LRRD1: variants seen among roughly 807,000 people sequenced by gnomAD.
The protein encoded by LRRD1 is leucine-rich repeat and death domain-containing protein 1.
Under a neutral mutation model 69.5 loss-of-function variants are expected in LRRD1, and 49 were observed. The observed-to-expected ratio is 0.70, with a 90% CI of 0.56 to 0.89. The LOEUF is 0.89. Ranked by LOEUF, LRRD1 falls within the 40% of genes least tolerant of loss-of-function variation. The pLI, the probability that LRRD1 is intolerant of heterozygous loss-of-function variation, is 0.00. For missense variants in LRRD1, 853 were observed against 956.0 expected, an observed-to-expected ratio of 0.89 and a Z score of 1.42; for synonymous variants, 303 against 338.9, an observed-to-expected ratio of 0.89 and a Z score of 1.16.
At chr7:92,167,578 TAAG>T (rs1294341940) in intron 1 of LRRD1, among the ~76,000 whole-genome samples, 1 of 151,314 alleles carries the variant, frequency 6.6e-6, no homozygotes, top group East Asian at 1.9e-4. Context: ...CTGGGGTAGT[TAAG>T]AAGTTATTCT....
At position 92,163,805 on chromosome 7, in the gene LRRD1, T is replaced by C; in HGVS notation, c.1398A>G (p.Ile466Met). 6.7e-7 allele frequency: 1 copy of C among 1,501,778 alleles called. No individual in the cohort carries two copies. The highest frequency in any genetic ancestry group is 8.8e-7 in the Non-Finnish European group (1 of 1,129,964). The allele number at this position is 1,501,778 out of a possible 1,614,324, so 93.0% of individuals were successfully genotyped here. Residue 466 changes from isoleucine (I) to methionine (M), a missense_variant, in exon 2 of 6, where the codon ATA becomes ATG. Coordinates refer to ENST00000458448, the MANE Select transcript of LRRD1 (RefSeq NM_001161528.2). ...VPIEIKNCQK[I>M]IKIELSYNKI... ...TGTTATAACTCAATTCAATTTTAAT[T>C]ATTTTTTGGCAGTTTTTTATTTCAA...
At chr7:92,149,520 G>A (rs1237517448) in intron 4 of LRRD1, among the ~76,000 whole-genome samples, 5 of 152,160 alleles carry the variant, frequency 3.3e-5, no homozygotes, top group African/African-American at 1.2e-4. Flanking sequence ...CTTGAAGCCA[G>A]TCTTCATCTA....
At chr7:92,173,445 C>T (rs931723514) in intron 1 of LRRD1, among the ~76,000 whole-genome samples, 1 of 152,098 alleles carries the variant, frequency 6.6e-6, no homozygotes, top group Non-Finnish European at 1.5e-5. Flanking sequence ...TGCAAACTAC[C>T]CATCTGACAA....
intron 3 of LRRD1, among the ~76,000 whole-genome samples, chr7:92,152,682 T>C (rs1820502989): frequency 6.6e-6 from 1 of 151,810 alleles, no homozygotes; most frequent in Non-Finnish European, 1.5e-5. Context: ...TTCTTTTTTT[T>C]TTTTTTTGGA....
chr7:92,174,311 T>G (rs940102952), intron 1 of LRRD1, among the ~76,000 whole-genome samples: 1 of 151,298 alleles, frequency 6.6e-6, no homozygotes, highest in African/African-American at 2.4e-5. Context: ...TCAAAATAAC[T>G]AGAAGAGAAT....
At chr7:92,176,560 C>A (rs943116088) in intron 1 of LRRD1, among the ~76,000 whole-genome samples, 1 of 121,920 alleles carries the variant, frequency 8.2e-6, no homozygotes, top group Non-Finnish European at 1.6e-5. Context: ...TTAAGAGATT[C>A]TCTCATTTTT....
downstream of LRRD1, among the ~76,000 whole-genome samples, chr7:92,143,423 G>A (rs573745377): frequency 6.6e-4 from 100 of 152,232 alleles, no homozygotes; most frequent in African/African-American, 1.4e-3. Context: ...AACCGGGGGC[G>A]GCACTCGTCG....
At chr7:92,171,895 C>T (rs1789065095) in intron 1 of LRRD1, among the ~76,000 whole-genome samples, 1 of 152,214 alleles carries the variant, frequency 6.6e-6, no homozygotes, top group Non-Finnish European at 1.5e-5. Context: ...TGATACATCA[C>T]ATTAATAGAA....
intron 1 of LRRD1, among the ~76,000 whole-genome samples, chr7:92,178,365 A>T (rs1188393523): frequency 6.6e-6 from 1 of 152,010 alleles, no homozygotes; most frequent in Non-Finnish European, 1.5e-5. Context: ...TTTCACAAGC[A>T]TTAAGAATCT....
At chr7:92,152,502 T>C (rs2130989666) in intron 3 of LRRD1, among the ~76,000 whole-genome samples, 1 of 152,228 alleles carries the variant, frequency 6.6e-6, no homozygotes, top group South Asian at 2.1e-4. Flanking sequence ...AAAAGAGTAG[T>C]TGAAGTGAGA....
intron 1 of LRRD1, among the ~76,000 whole-genome samples, chr7:92,169,186 T>G (rs920834118): frequency 1.3e-5 from 2 of 152,078 alleles, no homozygotes; most frequent in Non-Finnish European, 1.5e-5. Flanking sequence ...CCCAAAGTGC[T>G]GGGATTATAG....
chr7:92,145,755 C>T lies in LRRD1; in HGVS notation c.2396+328G>A, dbSNP rs1426603310. Reference sequence around the variant, plus strand: ...CACCCAGCTACTATATGCTTTATAGCTTGATCTCACTTGATTCTCATGACA... The same window carrying T: ...CACCCAGCTACTATATGCTTTATAGTTTGATCTCACTTGATTCTCATGACA... On this transcript the variant is annotated intron_variant, in intron 5 of 5. Transcript: ENST00000458448. Among the ~76,000 whole-genome samples, 7 of 152,054 alleles carry T rather than the reference C, an allele frequency of 4.6e-5. No homozygotes were observed. The East Asian group carries it at 1.4e-3, about 29-fold the overall frequency.
intron 5 of LRRD1, 90 bp downstream of exon 5, chr7:92,145,993 T>A (rs1820314684): frequency 3.0e-6 from 2 of 664,924 alleles, no homozygotes; most frequent in East Asian, 6.0e-5. Flanking sequence ...GAGATTGTGT[T>A]AATACGAATG....
chr7:92,165,499 CAA>C (rs886330680), intron 1 of LRRD1, among the ~76,000 whole-genome samples: 1 of 151,742 alleles, frequency 6.6e-6, no homozygotes, highest in Non-Finnish European at 1.5e-5. Context: ...CAGAAAGAAA[CAA>C]AAAAGTTCAA....
intron 1 of LRRD1, chr7:92,178,748 T>A (rs1789251961): frequency 6.6e-6 from 1 of 152,244 alleles, no homozygotes; most frequent in South Asian, 2.1e-4. Flanking sequence ...AAATTATGTT[T>A]TAACAAATAT....
Position 92,167,876 on chromosome 7 carries a change from C to CAAAAAAAAA in LRRD1, c.-74-2609_-74-2601dup, listed in dbSNP as rs542619786. Among the ~76,000 whole-genome samples the CAAAAAAAAA allele has an allele frequency of 1.0e-3, 47 of 46,196 alleles. 2 individuals carry two copies. Among genetic ancestry groups the CAAAAAAAAA allele is most frequent in the African/African-American group, 4.1e-3 (43 of 10,546 alleles). 30.3% of individuals were successfully genotyped at this position (46,196 alleles called of 152,430 possible). A position where few individuals can be genotyped will look rare whatever the true frequency, so the allele number is the denominator to read the frequency against. The stretch of plus-strand genomic sequence containing the variant: ...TGGGCAACACAGCGAGACTCTGTCT[C>CAAAAAAAAA]AAAAAAAAAAAAAAAAAAAAAAAAA... On this transcript the variant is annotated intron_variant, in intron 1 of 5. Transcript: ENST00000458448.
intron 2 of LRRD1, among the ~76,000 whole-genome samples, chr7:92,162,223 A>C (rs1274125721): frequency 6.6e-6 from 1 of 152,214 alleles, no homozygotes; most frequent in Non-Finnish European, 1.5e-5. Context: ...AAAATGGTCA[A>C]ATAAGTTTGG....
chr7:92,174,689 G>A (rs1315449915), intron 1 of LRRD1, among the ~76,000 whole-genome samples: 1 of 146,278 alleles, frequency 6.8e-6, no homozygotes, highest in Non-Finnish European at 1.5e-5. Flanking sequence ...TGTATTTTTA[G>A]TAGAGATGGG....
At chr7:92,174,470 AATATATATATATATATAT>A (rs1186084706) in intron 1 of LRRD1, among the ~76,000 whole-genome samples, 27 of 20,242 alleles carry the variant, frequency 1.3e-3, no homozygotes, top group African/African-American at 3.1e-3. Context: ...TATCAATTAG[AATATATATATATATATAT>A]ATATATATAT....
Sources: gnomAD v4.1 joint callset for allele counts (sites outside exome capture counted in the v4.1 genomes callset) on GRCh38, gnomAD v4.1.1 for gene constraint, MANE v1.5 for transcripts, NCBI Gene and HGNC (gene_info 2026-07-23, HGNC 2026-07-21) for gene names.